Variants in NCOR1 observed in about 807,000 individuals in gnomAD.
NCOR1 encodes protein phosphatase 1, regulatory subunit 109.
A neutral mutation model predicts 288.1 loss-of-function variants in NCOR1; 63 were observed. The ratio of observed to expected loss-of-function variants is 0.22; its 90% CI spans 0.18 to 0.27. NCOR1 has a LOEUF of 0.27. NCOR1 is among the 10% of genes least tolerant of loss of function. The probability of loss-of-function intolerance (pLI) is 1.00; values close to 1 mark genes in which losing one functional copy is unlikely to be tolerated. For missense variants in NCOR1, 2,397 were observed against 3,019.2 expected, an observed-to-expected ratio of 0.79 and a Z score of 4.83; for synonymous variants, 1,007 against 1,065.9, an observed-to-expected ratio of 0.94 and a Z score of 1.08.
intron 9 of NCOR1, among the ~76,000 whole-genome samples, chr17:16,147,888 G>A (rs543933803): frequency 5.3e-5 from 8 of 152,146 alleles, no homozygotes; most frequent in South Asian, 4.1e-4. Context: ...GCGCGATCTC[G>A]CTCACTGCAA....
At chr17:16,080,534 A>T in intron 24 of NCOR1, 25 bp from the exon 25 acceptor site, 1 of 1,613,084 alleles carries the variant, frequency 6.2e-7, no homozygotes, top group Non-Finnish European at 8.5e-7. Context: ...AGAAACATGA[A>T]ACAATCCAGT....
intron 45 of NCOR1, among the ~76,000 whole-genome samples, 196 bp downstream of exon 45, chr17:16,034,568 AT>A (rs1433652303): frequency 1.3e-5 from 2 of 152,126 alleles, no homozygotes; most frequent in African/African-American, 4.8e-5. Flanking sequence ...TGATCATGCC[AT>A]TGCATTCCAG....
At chr17:16,049,594 T>TC (rs1203175254) in intron 40 of NCOR1, among the ~76,000 whole-genome samples, 1 of 152,050 alleles carries the variant, frequency 6.6e-6, no homozygotes, top group Non-Finnish European at 1.5e-5. Context: ...CATTTTTTTT[T>TC]TTTTTGAGAC....
At chr17:16,093,798 CTGT>C (rs2065837964) in intron 21 of NCOR1, among the ~76,000 whole-genome samples, 1 of 152,170 alleles carries the variant, frequency 6.6e-6, no homozygotes, top group African/African-American at 2.4e-5. Context: ...ATGCAGTCTT[CTGT>C]AAGTGTCTAA....
chr17:16,126,526 C>G (rs1438828964), intron 14 of NCOR1, among the ~76,000 whole-genome samples: 1 of 152,024 alleles, frequency 6.6e-6, no homozygotes, highest in Non-Finnish European at 1.5e-5. Context: ...TCAAGCATTC[C>G]AATTCTACCT....
Position 16,034,790 on chromosome 17 carries a change from G to A in NCOR1, c.7110C>T (p.Ala2370=), listed in dbSNP as rs1973836005. The change falls in exon 45 of 46, where the codon GCC becomes GCT. Residue 2370 remains alanine (A), a synonymous_variant. Coordinates refer to ENST00000268712, the MANE Select transcript of NCOR1 (RefSeq NM_006311.4). ...CTGTTGAAGAGGGCCTGTCTTCCCA[G>A]GCCCACCCTGGCGTCTGCCTATGGT... The part of the protein sequence containing the change: ...GDYHRQTPGW[A]WEDRPSSTGS... 3.1e-6 allele frequency: 5 copies of A among 1,613,684 alleles called. No individual in the cohort carries two copies. The highest frequency in any genetic ancestry group is 4.2e-6 in the Non-Finnish European group (5 of 1,179,836).
chr17:16,064,650 T>TTTA (rs1417359839), intron 34 of NCOR1, among the ~76,000 whole-genome samples: 1 of 151,964 alleles, frequency 6.6e-6, no homozygotes. Context: ...AGAAGTTTGT[T>TTTA]TTATTAAGAG....
At chr17:16,039,241 A>C in intron 44 of NCOR1, 192 bp downstream of exon 44, 1 of 601,002 alleles carries the variant, frequency 1.7e-6, no homozygotes, top group Non-Finnish European at 2.9e-6. Flanking sequence ...ATTTTCTTCC[A>C]TTTTATTTCT....
Position 16,215,467 on chromosome 17 carries a change from G to A in NCOR1, c.-176C>T, listed in dbSNP as rs1016311820. 3 of 397,940 alleles carry A rather than the reference G, an allele frequency of 7.5e-6. No individual in the cohort carries two copies. Among genetic ancestry groups the A allele is most frequent in the African/African-American group, 4.1e-5 (2 of 48,680 alleles). 24.7% of individuals were successfully genotyped at this position (397,940 alleles called of 1,614,324 possible). On this transcript the variant is annotated 5_prime_UTR_variant, in exon 1 of 46. Coordinates refer to ENST00000268712, the MANE Select transcript of NCOR1 (RefSeq NM_006311.4). ...GGGACCTCGTTCGGCGCGGCGAGTC[G>A]GACGCTCACTCCAGCCGCCGCCGCC...
At chr17:16,054,087 A>C (rs940003442) in intron 40 of NCOR1, among the ~76,000 whole-genome samples, 2 of 150,306 alleles carry the variant, frequency 1.3e-5, no homozygotes, top group African/African-American at 2.4e-5. Flanking sequence ...AAAAAAAAAA[A>C]AAAAAACTAT....
At position 16,101,571 on chromosome 17, in the gene NCOR1, G is replaced by A. The variant is rs961373857; in HGVS notation, c.2369C>T (p.Ala790Val). 6.2e-7 allele frequency: 1 copy of A among 1,614,068 alleles called. No individual in the cohort carries two copies. Among genetic ancestry groups the A allele is most frequent in the African/African-American group, 1.3e-5 (1 of 74,926 alleles). ...TACATCCATCTGCTCTGCTGTCTCA[G>A]CACTGATGCTGTCATTCACCTGGGT... ...VETQVNDSIS[A>V]ETAEQMDVDQ... is the part of the protein sequence containing the mutation. Residue 790 changes from alanine to valine, a missense_variant, in exon 20 of 46, where the codon GCT becomes GTT. By Grantham distance (64) the Ala-to-Val change is moderately conservative. Transcript: ENST00000268712.
At position 16,098,411 on chromosome 17, in the gene NCOR1, C is replaced by G. The variant is rs762209208; in HGVS notation, c.2776G>C (p.Asp926His). The G allele has an allele frequency of 7.4e-6, 12 of 1,613,790 alleles. No individual in the cohort carries two copies. The highest frequency in any genetic ancestry group is 1.3e-5 in the African/African-American group (1 of 74,830). Residue 926 changes from aspartate to histidine, a missense_variant, in exon 21 of 46, where the codon GAT becomes CAT. Coordinates refer to ENST00000268712, the MANE Select transcript of NCOR1 (RefSeq NM_006311.4). ...VSSPLKPNPLDLPQLQHRAAV... is the reference protein window; with the variant it reads ...VSSPLKPNPLHLPQLQHRAAV... ...GCTCGATGCTGAAGCTGTGGCAGAT[C>G]CAGTGGATTTGGTTTTAACGGAGAT...
chr17:16,032,928 G>C (rs984061527), intron 45 of NCOR1, among the ~76,000 whole-genome samples: 2 of 152,210 alleles, frequency 1.3e-5, no homozygotes, highest in Non-Finnish European at 2.9e-5. Flanking sequence ...GTCATCTGCT[G>C]AATCTCACTG....
At chr17:16,056,277 A>T (rs2059903086) in intron 40 of NCOR1, among the ~76,000 whole-genome samples, 2 of 136,862 alleles carry the variant, frequency 1.5e-5, no homozygotes. Context: ...ATCTGCCCAT[A>T]TCTCAGTCTT....
At chr17:16,032,567 T>A (rs1678609428) in intron 45 of NCOR1, 84 bp from the exon 46 acceptor site, 2 of 1,325,044 alleles carry the variant, frequency 1.5e-6, no homozygotes, top group Admixed American at 5.0e-5. Context: ...TGGAGTAGAA[T>A]AGGATTATTG....
In NCOR1 at chr17:16,101,360, C is replaced by G. The variant is rs1185766120; in HGVS notation, c.2580G>C (p.Leu860Phe). The G allele has an allele frequency of 6.2e-7, 1 of 1,614,164 alleles. No individual in the cohort carries two copies. The highest frequency in any genetic ancestry group is 8.5e-7 in the Non-Finnish European group (1 of 1,180,036). The change falls in exon 20 of 46, where the codon TTG (leucine) becomes TTC (phenylalanine). Residue 860 changes from leucine (L) to phenylalanine (F), a missense_variant. This residue lies in a region of NCOR1 where 1,872 missense variants were observed against 2,187.8 expected (regional missense o/e 0.86). Coordinates refer to ENST00000268712, the MANE Select transcript of NCOR1 (RefSeq NM_006311.4). ...GGGCATTTATTTGCTGAGCTACCAC[C>G]AAATCTTCATCTCTAGGTTCCACCT... ...SEKVEPRDED[L>F]VVAQQINAQR...
intron 20 of NCOR1, 107 bp from the exon 21 acceptor site, chr17:16,098,603 G>A (rs1314765779): frequency 2.4e-6 from 2 of 844,560 alleles, no homozygotes; most frequent in Non-Finnish European, 3.6e-6. Context: ...ATGCACACAT[G>A]GACACATGGA....
At position 16,068,068 on chromosome 17, in the gene NCOR1, G is replaced by A. The variant is rs1030875304; in HGVS notation, c.4567C>T (p.Pro1523Ser). ...GCTGGGATACTTTCCCTCTGGGTAG[G>A]GGTCAGTGTCGATTTCCTTTCATGA... ...TNHERKSTLT[P>S]TQRESIPAKS... is the part of the protein sequence containing the mutation. The change falls in exon 32 of 46, where the codon CCT becomes TCT. Residue 1523 changes from proline to serine, a missense_variant. Pro to Ser is a moderately conservative substitution (Grantham distance 74). Coordinates refer to ENST00000268712, the MANE Select transcript of NCOR1 (RefSeq NM_006311.4). The A allele has an allele frequency of 6.2e-7, 1 of 1,614,106 alleles. No individual in the cohort carries two copies.
chr17:16,173,827 A>G (rs1322301704), intron 3 of NCOR1, among the ~76,000 whole-genome samples: 6 of 152,126 alleles, frequency 3.9e-5, no homozygotes, highest in Admixed American at 3.3e-4. Context: ...GCTACTCGGG[A>G]GGCTGAGGCG....
Sources: gnomAD v4.1 joint callset for allele counts (sites outside exome capture counted in the v4.1 genomes callset) on GRCh38, gnomAD v4.1.1 for gene constraint, gnomAD v4.1.1 regional missense constraint, MANE v1.5 for transcripts, NCBI Gene and HGNC (gene_info 2026-07-23, HGNC 2026-07-21) for gene names.